Variants in CLDN1 observed in about 807,000 individuals in gnomAD.
The protein encoded by CLDN1 is claudin 1.
Under a neutral mutation model 22.6 loss-of-function variants are expected in CLDN1, and 12 were observed. The ratio of observed to expected loss-of-function variants is 0.53; its 90% CI spans 0.34 to 0.86. The LOEUF is 0.86. CLDN1 is among the 40% of genes least tolerant of loss of function. The pLI is 0.02. For synonymous variants in CLDN1, 99 were observed against 103.8 expected, an observed-to-expected ratio of 0.95 and a Z score of 0.28; for missense variants, 250 against 269.5, an observed-to-expected ratio of 0.93 and a Z score of 0.51.
rs79757833 is a variant in CLDN1 at position 190,321,839 on chromosome 3, T to C, written c.223+145A>G. On this transcript the variant is annotated intron_variant, in intron 1 of 3. Coordinates refer to ENST00000295522, the MANE Select transcript of CLDN1 (RefSeq NM_021101.5). The stretch of plus-strand genomic sequence containing the variant: ...TTTCCTCAAACCAGGATTCTCTTCA[T>C]TTCCTTATGACAGAGCACATGATCA... The C allele has an allele frequency of 3.2e-3, 2,226 of 686,376 alleles. 7 individuals carry two copies. The highest frequency in any genetic ancestry group is 4.6e-3 in the Admixed American group (171 of 36,828). The allele number at this position is 686,376 out of a possible 1,614,324, so 42.5% of individuals were successfully genotyped here.
intron 1 of CLDN1, among the ~76,000 whole-genome samples, chr3:190,320,478 A>G (rs1716889788): frequency 6.6e-6 from 1 of 152,224 alleles, no homozygotes; most frequent in Non-Finnish European, 1.5e-5. Context: ...GAGGGCAATG[A>G]GCAACACATA....
intron 3 of CLDN1, 99 bp from the exon 4 acceptor site, chr3:190,308,538 C>G: frequency 8.7e-7 from 1 of 1,153,642 alleles, no homozygotes; most frequent in Non-Finnish European, 1.3e-6. Flanking sequence ...GTATTTTTTT[C>G]ATTGAAAATA....
At chr3:190,314,656 G>A (rs903608131) in intron 1 of CLDN1, among the ~76,000 whole-genome samples, 2 of 151,700 alleles carry the variant, frequency 1.3e-5, no homozygotes, top group African/African-American at 4.8e-5. Context: ...TGCCCACCTC[G>A]GCCTCCCAAA....
At chr3:190,313,422 C>T (rs1282129258) in intron 1 of CLDN1, among the ~76,000 whole-genome samples, 3 of 152,104 alleles carry the variant, frequency 2.0e-5, no homozygotes, top group Non-Finnish European at 2.9e-5. Flanking sequence ...ATATACTATC[C>T]TGGATGTTAA....
chr3:190,318,397 G>T (rs1716825999), intron 1 of CLDN1, among the ~76,000 whole-genome samples: 1 of 152,140 alleles, frequency 6.6e-6, no homozygotes, highest in Non-Finnish European at 1.5e-5. Context: ...TAATAACAAA[G>T]AATTCTGGCA....
intron 1 of CLDN1, among the ~76,000 whole-genome samples, chr3:190,314,550 A>G (rs1716713188): frequency 7.0e-6 from 1 of 142,188 alleles, no homozygotes; most frequent in East Asian, 2.0e-4. Flanking sequence ...ACGAACCACC[A>G]TGCCTGGCTA....
At chr3:190,310,275 G>C (rs774898897) in intron 2 of CLDN1, 22 bp from the exon 3 acceptor site, 13 of 1,583,846 alleles carry the variant, frequency 8.2e-6, no homozygotes, top group South Asian at 4.4e-5. Context: ...CAAAACAAAA[G>C]ACTGTTAATC....
At chr3:190,312,231 T>TA (rs1302270605) in intron 2 of CLDN1, among the ~76,000 whole-genome samples, 1 of 151,948 alleles carries the variant, frequency 6.6e-6, no homozygotes, top group Non-Finnish European at 1.5e-5. Context: ...ACACCTGGCC[T>TA]AAAAAACACG....
intron 3 of CLDN1, among the ~76,000 whole-genome samples, chr3:190,309,329 A>G (rs796097030): frequency 5.9e-5 from 9 of 152,254 alleles, no homozygotes; most frequent in African/African-American, 2.2e-4. Context: ...CTATTCTTAC[A>G]CTGTAAATCT....
intron 1 of CLDN1, among the ~76,000 whole-genome samples, chr3:190,317,994 G>A (rs1298587470): frequency 6.6e-6 from 1 of 152,184 alleles, no homozygotes; most frequent in Non-Finnish European, 1.5e-5. Context: ...CTTCTCCCCT[G>A]CAATTAAATG....
intron 2 of CLDN1, among the ~76,000 whole-genome samples, chr3:190,312,160 A>G (rs1455457380): frequency 2.6e-5 from 4 of 151,820 alleles, no homozygotes; most frequent in Non-Finnish European, 5.9e-5. Flanking sequence ...TGAACTCACG[A>G]CCTCAGGTGA....
At chr3:190,320,206 G>A (rs922464669) in intron 1 of CLDN1, among the ~76,000 whole-genome samples, 2 of 152,094 alleles carry the variant, frequency 1.3e-5, no homozygotes, top group African/African-American at 4.8e-5. Flanking sequence ...TTACAACATA[G>A]ATCAATCTGA....
rs897071750 is a variant in CLDN1 at position 190,305,819 on chromosome 3, A to G, written c.*2458T>C. 6.6e-6 allele frequency: 1 copy of G among 152,226 alleles called. No individual in the cohort carries two copies. Among genetic ancestry groups the G allele is most frequent in the Non-Finnish European group, 1.5e-5 (1 of 68,028 alleles). 9.4% of individuals were successfully genotyped at this position (152,226 alleles called of 1,614,324 possible). On this transcript the variant is annotated 3_prime_UTR_variant, in exon 4 of 4. Coordinates refer to ENST00000295522, the MANE Select transcript of CLDN1 (RefSeq NM_021101.5). ...GTTTCCAGGTGTGGTAGAAGAATAT[A>G]AAAAGATCAAAATTGGATAAATTCT...
chr3:190,317,323 A>T (rs1454624715), intron 1 of CLDN1, among the ~76,000 whole-genome samples: 2 of 152,234 alleles, frequency 1.3e-5, no homozygotes, highest in African/African-American at 4.8e-5. Flanking sequence ...CACAGAAGGC[A>T]GTCTTTTAAT....
chr3:190,308,023 A>G lies in CLDN1; in HGVS notation c.*254T>C. 2.3e-6 allele frequency: 1 copy of G among 427,336 alleles called. No individual in the cohort carries two copies. Among genetic ancestry groups the G allele is most frequent in the Non-Finnish European group, 4.3e-6 (1 of 231,226 alleles). The allele number at this position is 427,336 out of a possible 1,614,324, so 26.5% of individuals were successfully genotyped here. On this transcript the variant is annotated 3_prime_UTR_variant, in exon 4 of 4. Transcript: ENST00000295522. ...GGAGCACCCCTTCCCCCAGTTGAGT[A>G]TGATTACTCAATGGGAAGCAGTAAT...
chr3:190,312,497 T>G (rs1716649686), intron 2 of CLDN1, among the ~76,000 whole-genome samples: 1 of 152,228 alleles, frequency 6.6e-6, no homozygotes, highest in Non-Finnish European at 1.5e-5. Flanking sequence ...GGTTCACATA[T>G]TCTTGTGTTT....
intron 1 of CLDN1, among the ~76,000 whole-genome samples, chr3:190,321,380 G>A (rs1157540581): frequency 6.6e-6 from 1 of 152,148 alleles, no homozygotes; most frequent in Non-Finnish European, 1.5e-5. Context: ...CTTCTCCAAA[G>A]AGTCTTGCAA....
At position 190,310,253 on chromosome 3, in the gene CLDN1, C is replaced by T. The variant is rs1221356478; in HGVS notation, c.389G>A (p.Gly130Asp). The change falls in exon 3 of 4, where the codon GGT becomes GAT. Residue 130 changes from glycine (G) to aspartate (D), a missense_variant and splice_region_variant. Transcript: ENST00000295522. ...VIGGAIFLLA[G>D]LAILVATAWY... ...TGCTGTGGCAACTAAAATAGCCAGACCTATAGAAATTCAAAACAAAAGACT... is the reference window on the plus strand; with the variant it reads ...TGCTGTGGCAACTAAAATAGCCAGATCTATAGAAATTCAAAACAAAAGACT... The T allele has an allele frequency of 3.1e-6, 5 of 1,612,356 alleles. No homozygotes were observed. The highest frequency in any genetic ancestry group is 2.7e-5 in the African/African-American group (2 of 74,864).
chr3:190,310,091 G>T, intron 3 of CLDN1, 78 bp downstream of exon 3: 1 of 1,134,022 alleles, frequency 8.8e-7, no homozygotes, highest in African/African-American at 1.5e-5. Context: ...GGGAAATGAT[G>T]GCACTAGCAG....
Sources: gnomAD v4.1 joint callset for allele counts (sites outside exome capture counted in the v4.1 genomes callset) on GRCh38, gnomAD v4.1.1 for gene constraint, MANE v1.5 for transcripts, NCBI Gene and HGNC (gene_info 2026-07-23, HGNC 2026-07-21) for gene names.